CHN1: variants seen among roughly 807,000 people sequenced by gnomAD.
CHN1 encodes N-chimaerin.
A neutral mutation model predicts 59.5 loss-of-function variants in CHN1; 37 were observed. The ratio of observed to expected loss-of-function variants is 0.62; its 90% CI spans 0.48 to 0.82. CHN1 has a LOEUF of 0.82. Ranked by LOEUF, CHN1 falls within the 40% of genes least tolerant of loss-of-function variation. The pLI, the probability that CHN1 is intolerant of heterozygous loss-of-function variation, is 0.00. For missense variants in CHN1, 469 were observed against 571.0 expected, an observed-to-expected ratio of 0.82 and a Z score of 1.82; for synonymous variants, 206 against 200.4, an observed-to-expected ratio of 1.03 and a Z score of -0.24.
At chr2:174,906,625 T>C (rs1206825894) in intron 5 of CHN1, among the ~76,000 whole-genome samples, 1 of 151,712 alleles carries the variant, frequency 6.6e-6, no homozygotes, top group Non-Finnish European at 1.5e-5. Context: ...AAAAGTAAGA[T>C]ATGAGAACAT....
chr2:174,809,751 A>G (rs1303089477), intron 10 of CHN1, among the ~76,000 whole-genome samples: 2 of 152,256 alleles, frequency 1.3e-5, no homozygotes, highest in East Asian at 1.9e-4. Context: ...CAAGACGTCT[A>G]TAACATCTCT....
intron 7 of CHN1, among the ~76,000 whole-genome samples, chr2:174,828,752 A>G (rs1387793889): frequency 6.6e-6 from 1 of 152,236 alleles, no homozygotes; most frequent in Non-Finnish European, 1.5e-5. Flanking sequence ...ACTAGGTGGG[A>G]TATGCGGGAA....
At chr2:174,950,314 T>C (rs1689983072) in intron 2 of CHN1, among the ~76,000 whole-genome samples, 1 of 151,910 alleles carries the variant, frequency 6.6e-6, no homozygotes, top group Non-Finnish European at 1.5e-5. Context: ...TTGTCCAGGC[T>C]GGAGTGCAAA....
intron 2 of CHN1, among the ~76,000 whole-genome samples, chr2:174,949,742 G>A (rs1457170075): frequency 2.6e-5 from 4 of 152,012 alleles, no homozygotes; most frequent in Non-Finnish European, 5.9e-5. Flanking sequence ...AATCTTATAA[G>A]AAAATTTCTA....
intron 1 of CHN1, among the ~76,000 whole-genome samples, chr2:174,973,626 C>A (rs1337759922): frequency 1.3e-5 from 2 of 152,286 alleles, no homozygotes; most frequent in East Asian, 3.9e-4. Flanking sequence ...TACACATTTT[C>A]AGCCAGGTTG....
chr2:174,846,927 TCA>T lies in CHN1; in HGVS notation c.578_579del (p.Leu193GlnfsTer10). 1.3e-6 allele frequency: 2 copies of T among 1,553,488 alleles called. No homozygotes were observed. The highest frequency in any genetic ancestry group is 8.7e-7 in the Non-Finnish European group (1 of 1,147,636). ...TATTTTGGAATTTGCTCGTTTTCTTTCAGAGTTGCTCTTCTAACAAGTGATGT... is the reference window on the plus strand; with the variant it reads ...TATTTTGGAATTTGCTCGTTTTCTTTGAGTTGCTCTTCTAACAAGTGATGT... ...RLTSLVRRAT[L>X]KENEQIPKYE... On this transcript the variant is annotated frameshift_variant, in exon 7 of 13. Transcript: ENST00000409900. LOFTEE classifies it high-confidence loss of function.
intron 3 of CHN1, among the ~76,000 whole-genome samples, chr2:174,943,182 T>TTGTGTGTGTGTGTG (rs3056103): frequency 1.0e-4 from 15 of 149,700 alleles, no homozygotes; most frequent in Non-Finnish European, 2.1e-4. Context: ...TAGGGTTTGC[T>TTGTGTGTGTGTGTG]TGTGTGTGTG....
At chr2:174,977,095 G>A (rs1201727924) in intron 1 of CHN1, among the ~76,000 whole-genome samples, 1 of 152,114 alleles carries the variant, frequency 6.6e-6, no homozygotes, top group East Asian at 1.9e-4. Context: ...CAACTAGGTT[G>A]GCAAACTTCT....
intron 11 of CHN1, among the ~76,000 whole-genome samples, 186 bp downstream of exon 11, chr2:174,808,719 G>A (rs1384009724): frequency 3.9e-5 from 6 of 152,222 alleles, no homozygotes; most frequent in Non-Finnish European, 7.3e-5. Flanking sequence ...AGAAGCTTCT[G>A]ATGGTATTAA....
At chr2:174,933,253 C>A (rs1050698641) in intron 3 of CHN1, among the ~76,000 whole-genome samples, 8 of 152,072 alleles carry the variant, frequency 5.3e-5, no homozygotes, top group Non-Finnish European at 4.4e-5. Flanking sequence ...TACATTAAAA[C>A]CTGAAACTGG....
chr2:174,864,167 T>C (rs546150924), intron 6 of CHN1, among the ~76,000 whole-genome samples: 2 of 152,302 alleles, frequency 1.3e-5, no homozygotes, highest in Non-Finnish European at 2.9e-5. Context: ...TAAATAATAA[T>C]AAACTCTCTA....
intron 1 of CHN1, among the ~76,000 whole-genome samples, chr2:174,973,107 T>A (rs1209878815): frequency 6.6e-6 from 1 of 152,174 alleles, no homozygotes; most frequent in Non-Finnish European, 1.5e-5. Flanking sequence ...CACTGGGTCA[T>A]CACAGTAAAA....
intron 6 of CHN1, among the ~76,000 whole-genome samples, chr2:174,870,464 A>AG (rs1247986991): frequency 6.6e-6 from 1 of 152,204 alleles, no homozygotes; most frequent in Non-Finnish European, 1.5e-5. Flanking sequence ...TGCAAATACT[A>AG]GGAGAAAGGA....
intron 1 of CHN1, among the ~76,000 whole-genome samples, chr2:174,961,421 G>A (rs1236090236): frequency 1.3e-5 from 2 of 151,644 alleles, no homozygotes; most frequent in Admixed American, 1.3e-4. Context: ...GAGAAACCCC[G>A]TCTCTACTAA....
intron 5 of CHN1, among the ~76,000 whole-genome samples, chr2:174,884,077 C>T (rs1350227947): frequency 1.3e-5 from 2 of 151,422 alleles, no homozygotes; most frequent in East Asian, 1.9e-4. Context: ...ACGCCATTCT[C>T]CTGCCTCAGC....
At chr2:174,839,415 TCAGTCACAGAAGGACAAATATTG>T (rs1686209857) in intron 7 of CHN1, among the ~76,000 whole-genome samples, 1 of 152,116 alleles carries the variant, frequency 6.6e-6, no homozygotes, top group African/African-American at 2.4e-5. Flanking sequence ...GTGAAATAAG[TCAGTCACAGAAGGACAAATATTG>T]CATGATTCCA....
intron 6 of CHN1, among the ~76,000 whole-genome samples, chr2:174,852,664 T>C (rs538760028): frequency 2.0e-5 from 3 of 152,266 alleles, no homozygotes; most frequent in Admixed American, 2.0e-4. Context: ...GGTATCACAC[T>C]ACCTGACTTC....
intron 1 of CHN1, among the ~76,000 whole-genome samples, chr2:174,962,663 C>T (rs1018254188): frequency 5.5e-5 from 1 of 18,048 alleles, no homozygotes; most frequent in Non-Finnish European, 1.9e-4. Context: ...TTGGAAGGCC[C>T]GGGGGGGGGG....
At position 174,972,078 on chromosome 2, in the gene CHN1, A is replaced by T. The variant is rs115563039; in HGVS notation, c.20-19876T>A. The stretch of plus-strand genomic sequence containing the variant: ...TAATAACCCTGAGGTATCTGGCTTC[A>T]AGCCCAGCTTCCAGGACAACAAGCT... On this transcript the variant is annotated intron_variant, in intron 1 of 12. Coordinates refer to ENST00000409900, the MANE Select transcript of CHN1 (RefSeq NM_001822.7). Among the ~76,000 whole-genome samples, 1,056 of 152,320 alleles carry T rather than the reference A, an allele frequency of 6.9e-3. 16 individuals carry two copies. Among genetic ancestry groups the T allele is most frequent in the African/African-American group, 0.024 (1,008 of 41,568 alleles).
Sources: gnomAD v4.1 joint callset for allele counts (sites outside exome capture counted in the v4.1 genomes callset) on GRCh38, gnomAD v4.1.1 for gene constraint, MANE v1.5 for transcripts, NCBI Gene and HGNC (gene_info 2026-07-23, HGNC 2026-07-21) for gene names.